ACP3: variants seen among roughly 807,000 people sequenced by gnomAD.
ACP3 encodes the protein acid phosphatase 3, also known as prostatic acid phosphatase.
ACP3 carries 38 observed loss-of-function variants against 45.6 expected under a neutral mutation model. That is an observed-to-expected ratio of 0.83 (90% CI 0.64 to 1.09). The LOEUF is 1.09. ACP3 is among the 50% of genes least tolerant of loss of function. The pLI, the probability that ACP3 is intolerant of heterozygous loss-of-function variation, is 0.00. For synonymous variants in ACP3, 162 were observed against 164.7 expected, an observed-to-expected ratio of 0.98 and a Z score of 0.13; for missense variants, 466 against 463.2, an observed-to-expected ratio of 1.01 and a Z score of -0.05.
chr3:132,361,432 G>A (rs1000124506), downstream of ACP3, among the ~76,000 whole-genome samples: 12 of 152,058 alleles, frequency 7.9e-5, no homozygotes, highest in South Asian at 4.2e-4. Flanking sequence ...CAGCTATAAC[G>A]CTGACCTGTC....
exon 11 of ACP3, chr3:132,368,132 A>C (rs1938160730): frequency 4.7e-6 from 1 of 214,694 alleles, no homozygotes; most frequent in Non-Finnish European, 9.2e-6. Flanking sequence ...GCCAAACTCC[A>C]ATCAGCCTTT....
At chr3:132,359,146 T>C (rs17183121), downstream of ACP3, among the ~76,000 whole-genome samples, 25,503 of 152,140 alleles carry the variant, frequency 0.17, 2,293 homozygotes, top group African/African-American at 0.2. Flanking sequence ...ACAAGAGTTA[T>C]CCAGATTTGG....
intron 2 of ACP3, among the ~76,000 whole-genome samples, chr3:132,331,118 C>A (rs1162903418): frequency 6.6e-6 from 1 of 152,034 alleles, no homozygotes; most frequent in Admixed American, 6.6e-5. Context: ...TTCTATAATG[C>A]TTTTAAGTGA....
rs542114924 is a variant in ACP3 at position 132,330,242 on chromosome 3, C to T, written c.217-1405C>T. On this transcript the variant is annotated intron_variant, in intron 2 of 9. Transcript: ENST00000336375. ...GCCTTGTCTAGGTACTTTAAATCTA[C>T]ATAATCATAAGATGATGGCTGTCTA... Among the ~76,000 whole-genome samples, 281 of 152,088 alleles carry T rather than the reference C, an allele frequency of 1.8e-3. 2 individuals are homozygous for T. Among genetic ancestry groups the T allele is most frequent in the African/African-American group, 6.5e-3 (268 of 41,516 alleles).
At chr3:132,321,933 G>A (rs370450073) in intron 1 of ACP3, among the ~76,000 whole-genome samples, 11 of 152,016 alleles carry the variant, frequency 7.2e-5, no homozygotes, top group African/African-American at 2.2e-4. Flanking sequence ...AAATGCATCC[G>A]GTGTGCTCGG....
At chr3:132,360,315 G>A (rs1181730706), downstream of ACP3, among the ~76,000 whole-genome samples, 47 of 131,512 alleles carry the variant, frequency 3.6e-4, no homozygotes, top group Non-Finnish European at 3.0e-4. Context: ...TAATTCATTG[G>A]AAAAAAAAAA....
At chr3:132,365,772 A>C (rs1196001121) in intron 10 of ACP3, among the ~76,000 whole-genome samples, 1 of 152,040 alleles carries the variant, frequency 6.6e-6, no homozygotes, top group Admixed American at 6.6e-5. Flanking sequence ...GGATCACCTG[A>C]AGTCAGGAGT....
chr3:132,368,210 G>A, exon 11 of ACP3: 1 of 163,800 alleles, frequency 6.1e-6, no homozygotes, highest in Non-Finnish European at 1.3e-5. Flanking sequence ...GGATATTGGG[G>A]GAAGTTAGAC....
downstream of ACP3, among the ~76,000 whole-genome samples, chr3:132,361,120 T>C (rs185167506): frequency 5.9e-4 from 90 of 152,346 alleles, 2 homozygotes; most frequent in Non-Finnish European, 1.8e-4. Context: ...ACTTCTGTTT[T>C]CAGCATAGTT....
downstream of ACP3, chr3:132,358,867 T>C: frequency 2.0e-6 from 2 of 984,666 alleles, no homozygotes; most frequent in South Asian, 9.4e-5. Flanking sequence ...GGGGTTTTTG[T>C]TTTAGTATAA....
chr3:132,325,972 T>G lies in ACP3; in HGVS notation c.121-2295T>G, dbSNP rs1576408843. 3.3e-5 allele frequency among the ~76,000 whole-genome samples: 5 copies of G among 152,314 alleles called. No homozygotes were observed. The East Asian group carries it at 9.6e-4, about 29-fold the overall frequency. ...GGACAAAGTGAGTGTTCAAAAAATGTTAAGGAGTTACCGTTGTGGTTATAG... is the reference window on the plus strand; with the variant it reads ...GGACAAAGTGAGTGTTCAAAAAATGGTAAGGAGTTACCGTTGTGGTTATAG... On this transcript the variant is annotated intron_variant, in intron 1 of 9. Coordinates refer to ENST00000336375, the MANE Select transcript of ACP3 (RefSeq NM_001099.5).
chr3:132,324,501 C>T (rs980938152), intron 1 of ACP3, among the ~76,000 whole-genome samples: 2 of 152,154 alleles, frequency 1.3e-5, no homozygotes, highest in Non-Finnish European at 2.9e-5. Context: ...TCTCTTTGAT[C>T]ATATAGTTTT....
intron 1 of ACP3, among the ~76,000 whole-genome samples, chr3:132,324,858 G>T (rs1937269212): frequency 6.6e-6 from 1 of 152,074 alleles, no homozygotes; most frequent in Non-Finnish European, 1.5e-5. Flanking sequence ...GGCCAGGATA[G>T]TCTTGATCTC....
In ACP3 at chr3:132,332,330, C is replaced by G. The variant is rs1314554381; in HGVS notation, c.442C>G (p.Leu148Val). Residue 148 changes from leucine to valine, a missense_variant, in exon 4 of 10, where the codon CTT becomes GTT. Physicochemically the swap from Leu to Val is conservative, Grantham distance 32. Transcript: ENST00000336375. ...GCCCATCCCGGTGCACACAGTTCCTCTTTCTGAAGATCAGGTCAGTATACT... is the reference window on the plus strand; with the variant it reads ...GCCCATCCCGGTGCACACAGTTCCTGTTTCTGAAGATCAGGTCAGTATACT... ...WQPIPVHTVP[L>V]SEDQLLYLPF... The G allele has an allele frequency of 6.2e-7, 1 of 1,614,004 alleles. No individual in the cohort carries two copies. Among genetic ancestry groups the G allele is most frequent in the Non-Finnish European group, 8.5e-7 (1 of 1,180,004 alleles).
chr3:132,365,646 G>T lies in ACP3; in HGVS notation c.1139-2058G>T, dbSNP rs139552651. On this transcript the variant is annotated intron_variant, in intron 10 of 10. Coordinates refer to the ACP3 transcript ENST00000351273. The stretch of plus-strand genomic sequence containing the variant: ...TGCAGACTTTGTTTTAAGGAGAGAA[G>T]TGGCATGATTTGACTTTAAGTCATT... Among the ~76,000 whole-genome samples the T allele has an allele frequency of 2.2e-3, 338 of 152,230 alleles. 2 individuals are homozygous for T. The highest frequency in any genetic ancestry group is 7.4e-3 in the African/African-American group (309 of 41,534).
intron 6 of ACP3, among the ~76,000 whole-genome samples, chr3:132,343,218 ACT>A (rs1286447608): frequency 6.6e-6 from 1 of 152,070 alleles, no homozygotes; most frequent in South Asian, 2.1e-4. Flanking sequence ...CAAAAGGAGT[ACT>A]CTCTGTTCCT....
At chr3:132,345,954 A>G (rs765878806) in intron 7 of ACP3, among the ~76,000 whole-genome samples, 8 of 152,232 alleles carry the variant, frequency 5.3e-5, no homozygotes, top group Non-Finnish European at 1.0e-4. Flanking sequence ...AAAGTTCATC[A>G]TGTCAGGTTG....
chr3:132,332,412 G>A, intron 4 of ACP3, 68 bp downstream of exon 4: 4 of 1,576,444 alleles, frequency 2.5e-6, no homozygotes, highest in South Asian at 2.2e-5. Context: ...CTACTCAACA[G>A]TTGTGGATTT....
chr3:132,337,477 A>T lies in ACP3; in HGVS notation c.478A>T (p.Asn160Tyr). The T allele has an allele frequency of 6.2e-7, 1 of 1,610,634 alleles. No individual in the cohort carries two copies. The highest frequency in any genetic ancestry group is 8.5e-7 in the Non-Finnish European group (1 of 1,177,294). Residue 160 changes from asparagine to tyrosine, a missense_variant, in exon 5 of 10, where the codon AAC becomes TAC. Coordinates refer to ENST00000336375, the MANE Select transcript of ACP3 (RefSeq NM_001099.5). ...TCAGTTGCTATACCTGCCTTTCAGGAACTGCCCTCGTTTTCAAGAACTTGA... is the reference window on the plus strand; with the variant it reads ...TCAGTTGCTATACCTGCCTTTCAGGTACTGCCCTCGTTTTCAAGAACTTGA... ...EDQLLYLPFR[N>Y]CPRFQELESE...
Sources: allele counts gnomAD v4.1 joint callset (sites outside exome capture counted in the v4.1 genomes callset), GRCh38; gene constraint gnomAD v4.1.1; transcripts MANE v1.5; gene names NCBI Gene and HGNC (gene_info 2026-07-23, HGNC 2026-07-21).